Variants in ABCA13 observed in about 807,000 individuals in gnomAD.
ABCA13 encodes ATP binding cassette subfamily A member 13, also known as ATP-binding cassette sub-family A member 13.
Under a neutral mutation model 478.7 loss-of-function variants are expected in ABCA13, and 476 were observed. That is an observed-to-expected ratio of 0.99 (90% CI 0.92 to 1.07). The LOEUF (loss-of-function observed/expected upper bound fraction) is 1.07. Among genes scored for constraint, ABCA13 ranks in the 50% least tolerant of loss-of-function variants. ABCA13 has a pLI of 0.00. For missense variants in ABCA13, 6,060 were observed against 5,910.6 expected, an observed-to-expected ratio of 1.03 and a Z score of -0.83; for synonymous variants, 2,252 against 2,158.9, an observed-to-expected ratio of 1.04 and a Z score of -1.20.
At chr7:48,474,969 A>G (rs1213878740) in intron 45 of ABCA13, among the ~76,000 whole-genome samples, 3 of 152,256 alleles carry the variant, frequency 2.0e-5, no homozygotes, top group African/African-American at 4.8e-5. Context: ...AAAAAGTTCC[A>G]TAGTCAAATA....
intron 42 of ABCA13, among the ~76,000 whole-genome samples, chr7:48,436,116 T>C (rs1010491065): frequency 6.6e-6 from 1 of 151,710 alleles, no homozygotes; most frequent in Non-Finnish European, 1.5e-5. Context: ...CTTTATAGGT[T>C]TGGTAGAATT....
chr7:48,297,289 C>T lies in ABCA13; in HGVS notation c.9177C>T (p.Leu3059=). ...CAGGGAATCCCATCATGACTTTTCT[C>T]AGCAATTTCACAGTAACTGAGGGTA... The part of the protein sequence containing the change: ...WSSGNPIMTF[L]SNFTVTEDVK... Residue 3059 remains leucine (L), a synonymous_variant, in exon 22 of 62, where the codon CTC becomes CTT. Transcript: ENST00000435803. 1 of 1,608,840 alleles carries T rather than the reference C, an allele frequency of 6.2e-7. No homozygotes were observed. Among genetic ancestry groups the T allele is most frequent in the Non-Finnish European group, 8.5e-7 (1 of 1,177,518 alleles).
At chr7:48,470,076 G>A (rs1827319893) in intron 44 of ABCA13, among the ~76,000 whole-genome samples, 1 of 152,212 alleles carries the variant, frequency 6.6e-6, no homozygotes, top group Admixed American at 6.5e-5. Context: ...TTAGGGAAAT[G>A]CTTTGCTAAG....
chr7:48,449,100 C>T (rs946944541), intron 42 of ABCA13, among the ~76,000 whole-genome samples: 3 of 152,198 alleles, frequency 2.0e-5, no homozygotes, highest in Admixed American at 6.5e-5. Flanking sequence ...ACCTTGGCCT[C>T]CCAAAGTGCT....
At chr7:48,223,178 T>C (rs1028244744) in intron 5 of ABCA13, among the ~76,000 whole-genome samples, 1 of 152,116 alleles carries the variant, frequency 6.6e-6, no homozygotes, top group African/African-American at 2.4e-5. Flanking sequence ...AACAGGTTTT[T>C]CTGAGGGGAG....
chr7:48,268,968 C>A lies in ABCA13; in HGVS notation c.2006-12C>A, dbSNP rs747723924. 6 of 1,382,976 alleles carry A rather than the reference C, an allele frequency of 4.3e-6. No homozygotes were observed. Among genetic ancestry groups the A allele is most frequent in the Admixed American group, 3.8e-5 (2 of 52,692 alleles). 85.7% of individuals were successfully genotyped at this position (1,382,976 alleles called of 1,614,324 possible). A position where few individuals can be genotyped will look rare whatever the true frequency, so the allele number is the denominator to read the frequency against. On this transcript the variant is annotated splice_polypyrimidine_tract_variant and intron_variant, in intron 15 of 61. Coordinates refer to ENST00000435803, the MANE Select transcript of ABCA13 (RefSeq NM_152701.5). Reference sequence around the variant, plus strand: ...AGTTTATAATTAATGTAGAAAATGTCTTTTTATTTAGCTTTTCCTGAGGAA... The same window carrying A: ...AGTTTATAATTAATGTAGAAAATGTATTTTTATTTAGCTTTTCCTGAGGAA...
At chr7:48,616,596 G>A (rs182007781) in intron 59 of ABCA13, among the ~76,000 whole-genome samples, 59 of 152,258 alleles carry the variant, frequency 3.9e-4, no homozygotes, top group African/African-American at 1.2e-3. Context: ...TGCCTACTTC[G>A]GAGTTTGGGT....
intron 27 of ABCA13, among the ~76,000 whole-genome samples, chr7:48,333,627 C>T (rs1235726179): frequency 6.6e-6 from 1 of 152,140 alleles, no homozygotes; most frequent in Non-Finnish European, 1.5e-5. Flanking sequence ...CAGATCTTGG[C>T]CCACTTTGTG....
At chr7:48,415,675 T>C (rs1189727730) in intron 41 of ABCA13, among the ~76,000 whole-genome samples, 1 of 152,234 alleles carries the variant, frequency 6.6e-6, no homozygotes, top group Admixed American at 6.5e-5. Flanking sequence ...ATTTTTATTA[T>C]TAAGAAGAGT....
intron 31 of ABCA13, among the ~76,000 whole-genome samples, chr7:48,361,352 C>T (rs535502427): frequency 3.3e-5 from 5 of 151,832 alleles, no homozygotes; most frequent in Admixed American, 3.3e-4. Flanking sequence ...TCTCCCTACT[C>T]ATCCTCCTTC....
Position 48,455,018 on chromosome 7 carries a change from C to T in ABCA13, c.12566-19C>T, listed in dbSNP as rs1563284629. 1 of 1,478,882 alleles carries T rather than the reference C, an allele frequency of 6.8e-7. No homozygotes were observed. Among genetic ancestry groups the T allele is most frequent in the Non-Finnish European group, 9.0e-7 (1 of 1,116,208 alleles). The allele number at this position is 1,478,882 out of a possible 1,614,324, so 91.6% of individuals were successfully genotyped here. On this transcript the variant is annotated intron_variant, in intron 42 of 61. Transcript: ENST00000435803. ...CCGCAGAGCTGACCCAGCCGCCCTT[C>T]CTCCCGCCCGTCCTGCAGGTGGCTC...
chr7:48,513,258 G>C (rs1831849192), intron 51 of ABCA13, among the ~76,000 whole-genome samples: 1 of 152,234 alleles, frequency 6.6e-6, no homozygotes, highest in African/African-American at 2.4e-5. Context: ...GCATTAAATG[G>C]CTGCTTAAAG....
chr7:48,476,906 A>G (rs2362310), intron 45 of ABCA13, among the ~76,000 whole-genome samples: 58,589 of 152,052 alleles, frequency 0.39, 11,454 homozygotes, highest in East Asian at 0.52. Context: ...CTACATCTTG[A>G]AACTCGGAGG....
At chr7:48,356,188 G>C (rs1363064467) in intron 31 of ABCA13, among the ~76,000 whole-genome samples, 1 of 151,714 alleles carries the variant, frequency 6.6e-6, no homozygotes, top group Non-Finnish European at 1.5e-5. Context: ...GGTGAAATAA[G>C]GTAAAGACAG....
Position 48,528,338 on chromosome 7 carries a change from C to A in ABCA13, c.14347C>A (p.Pro4783Thr), listed in dbSNP as rs1245926864. Reference sequence around the variant, plus strand: ...TTCAGGACATGCTATCATCAGGACTCCCATGGGGTAAGATACAGATTTCAT... The same window carrying A: ...TTCAGGACATGCTATCATCAGGACTACCATGGGGTAAGATACAGATTTCAT... ...LTSGHAIIRTPMGDAVDLSSA... is the reference protein window; with the variant it reads ...LTSGHAIIRTTMGDAVDLSSA... Residue 4783 changes from proline to threonine, a missense_variant, in exon 55 of 62, where the codon CCC (proline) becomes ACC (threonine). Pro to Thr is a conservative substitution (Grantham distance 38, BLOSUM62 -1). Coordinates refer to ENST00000435803, the MANE Select transcript of ABCA13 (RefSeq NM_152701.5). 2 of 1,555,490 alleles carry A rather than the reference C, an allele frequency of 1.3e-6. No homozygotes were observed. The highest frequency in any genetic ancestry group is 1.7e-6 in the Non-Finnish European group (2 of 1,148,680).
At chr7:48,367,486 T>G (rs1338794521) in intron 31 of ABCA13, among the ~76,000 whole-genome samples, 1 of 152,188 alleles carries the variant, frequency 6.6e-6, no homozygotes, top group Non-Finnish European at 1.5e-5. Flanking sequence ...ATGGCAGGCA[T>G]GGATTAATGA....
chr7:48,299,875 T>C (rs1333847791), intron 23 of ABCA13, among the ~76,000 whole-genome samples: 1 of 151,770 alleles, frequency 6.6e-6, no homozygotes, highest in Admixed American at 6.6e-5. Context: ...TTTTTTGCAC[T>C]CTGTGTATCT....
At chr7:48,524,510 T>C (rs954654480) in intron 54 of ABCA13, 70 bp downstream of exon 54, 80 of 1,378,342 alleles carry the variant, frequency 5.8e-5, no homozygotes, top group Admixed American at 5.2e-4. Flanking sequence ...GATCTGCTTG[T>C]GTTAGTCTCA....
intron 48 of ABCA13, among the ~76,000 whole-genome samples, chr7:48,493,606 C>T (rs1830026331): frequency 6.6e-6 from 1 of 152,012 alleles, no homozygotes; most frequent in Non-Finnish European, 1.5e-5. Context: ...TAAACTTCTT[C>T]AACTACTTAT....
Sources: allele counts gnomAD v4.1 joint callset (sites outside exome capture counted in the v4.1 genomes callset), GRCh38; gene constraint gnomAD v4.1.1; transcripts MANE v1.5; gene names NCBI Gene and HGNC (gene_info 2026-07-23, HGNC 2026-07-21).